PRIM2: variants seen among roughly 807,000 people sequenced by gnomAD.
PRIM2 encodes the protein DNA primase subunit 2.
Under a neutral mutation model 67.3 loss-of-function variants are expected in PRIM2, and 39 were observed. That is an observed-to-expected ratio of 0.58 (90% CI 0.45 to 0.76). PRIM2 has a LOEUF of 0.76. PRIM2 is among the 30% of genes least tolerant of loss of function. The pLI, the probability that PRIM2 is intolerant of heterozygous loss-of-function variation, is 0.00. For synonymous variants in PRIM2, 143 were observed against 198.7 expected, an observed-to-expected ratio of 0.72 and a Z score of 2.36; for missense variants, 398 against 598.7, an observed-to-expected ratio of 0.66 and a Z score of 3.50.
chr6:57,358,188 G>A (rs1467059324), intron 5 of PRIM2, among the ~76,000 whole-genome samples: 3 of 152,210 alleles, frequency 2.0e-5, no homozygotes, highest in African/African-American at 7.2e-5. Context: ...TGTGCTAACA[G>A]CTTCATAAAA....
In PRIM2 at chr6:57,379,903, A is replaced by G; in HGVS notation, c.462A>G (p.Ile154Met). The change falls in exon 6 of 14, where the codon ATA becomes ATG. Residue 154 changes from isoleucine to methionine, a missense_variant and splice_region_variant. By Grantham distance (10) the Ile-to-Met change is conservative (BLOSUM62 1). Coordinates refer to ENST00000615550, the MANE Select transcript of PRIM2 (RefSeq NM_000947.5). ...LKDSQLQFEAISDEEKTLREQ... is the reference protein window; with the variant it reads ...LKDSQLQFEAMSDEEKTLREQ... ...CAGCTTAAAATATGTTTTTTTAGAT[A>G]AGTGATGAAGAGAAGACTCTTCGAG... 2.6e-6 allele frequency: 4 copies of G among 1,536,958 alleles called. No homozygotes were observed. Among genetic ancestry groups the G allele is most frequent in the Non-Finnish European group, 3.5e-6 (4 of 1,143,052 alleles).
At chr6:57,323,202 A>G (rs977742133) in intron 3 of PRIM2, among the ~76,000 whole-genome samples, 1 of 152,102 alleles carries the variant, frequency 6.6e-6, no homozygotes, top group African/African-American at 2.4e-5. Context: ...AACTGTTGGT[A>G]AGGATCTAGT....
At chr6:57,637,378 C>T (rs1390679674) in intron 13 of PRIM2, among the ~76,000 whole-genome samples, 1 of 152,040 alleles carries the variant, frequency 6.6e-6, no homozygotes, top group Non-Finnish European at 1.5e-5. Context: ...TCCTCACCAG[C>T]AAGGGAATAA....
At chr6:57,365,949 C>CAAAAA (rs5876544) in intron 5 of PRIM2, among the ~76,000 whole-genome samples, 78 of 62,422 alleles carry the variant, frequency 1.2e-3, no homozygotes, top group East Asian at 3.2e-3. Context: ...GACCATATCT[C>CAAAAA]AAAAAAAAAA....
chr6:57,304,490 G>A, the PRIM2 span, among the ~76,000 whole-genome samples: 1 of 152,194 alleles, frequency 6.6e-6, no homozygotes, highest in Non-Finnish European at 1.5e-5. Flanking sequence ...TAGAAAAACA[G>A]CTGCTCCTGC....
intron 7 of PRIM2, among the ~76,000 whole-genome samples, chr6:57,460,711 A>G (rs1242364927): frequency 5.9e-5 from 9 of 151,784 alleles, no homozygotes; most frequent in African/African-American, 2.2e-4. Flanking sequence ...TGCAAAAGTA[A>G]TATCATTAAT....
intron 7 of PRIM2, among the ~76,000 whole-genome samples, chr6:57,387,310 T>C (rs1415622143): frequency 1.3e-5 from 2 of 152,150 alleles, no homozygotes; most frequent in South Asian, 2.1e-4. Context: ...AGATACCAAA[T>C]AATGATATAA....
intron 12 of PRIM2, among the ~76,000 whole-genome samples, chr6:57,625,070 C>A (rs1776925429): frequency 6.6e-6 from 1 of 152,184 alleles, no homozygotes; most frequent in African/African-American, 2.4e-5. Flanking sequence ...AATTATCTCC[C>A]ACCAGGTCCC....
chr6:57,409,813 G>A lies in PRIM2; in HGVS notation c.693+27645G>A, dbSNP rs111364384. On this transcript the variant is annotated intron_variant, in intron 7 of 13. Coordinates refer to ENST00000615550, the MANE Select transcript of PRIM2 (RefSeq NM_000947.5). ...CAACAAAGTTTTACAATTTGATTCA[G>A]TCTATTTTATCAGTTTCTTTCTTTT... Among the ~76,000 whole-genome samples the A allele has an allele frequency of 2.0e-5, 3 of 152,296 alleles. No homozygotes were observed. In the South Asian group the frequency reaches 6.2e-4, roughly 32 times the overall value.
intron 10 of PRIM2, among the ~76,000 whole-genome samples, chr6:57,586,713 A>G (rs1365185712): frequency 1.3e-5 from 2 of 152,234 alleles, no homozygotes; most frequent in African/African-American, 4.8e-5. Context: ...CAGTACCCTC[A>G]GTCTGTGGCG....
chr6:57,271,261 A>G, the PRIM2 span, among the ~76,000 whole-genome samples: 3 of 152,058 alleles, frequency 2.0e-5, no homozygotes, highest in Non-Finnish European at 4.4e-5. Context: ...CTGGTCCTGG[A>G]CTTTTTTTGG....
At chr6:57,327,861 G>A (rs556992034) in intron 5 of PRIM2, among the ~76,000 whole-genome samples, 7 of 152,230 alleles carry the variant, frequency 4.6e-5, no homozygotes, top group South Asian at 2.1e-4. Context: ...ATTTTTCCAC[G>A]GACTGAGGTC....
chr6:57,534,523 G>A (rs1774959250), intron 9 of PRIM2, among the ~76,000 whole-genome samples: 2 of 151,766 alleles, frequency 1.3e-5, no homozygotes, highest in South Asian at 4.2e-4. Context: ...TTATTATTTG[G>A]ACTACTGCCC....
chr6:57,616,733 AACT>A (rs1339316424), intron 12 of PRIM2, among the ~76,000 whole-genome samples: 1 of 152,122 alleles, frequency 6.6e-6, no homozygotes, highest in African/African-American at 2.4e-5. Context: ...AATATTTTAC[AACT>A]ACTATTTCTA....
intron 7 of PRIM2, among the ~76,000 whole-genome samples, chr6:57,447,164 G>A (rs1334987406): frequency 6.6e-6 from 1 of 152,222 alleles, no homozygotes; most frequent in Non-Finnish European, 1.5e-5. Context: ...AAAATTGAGA[G>A]TGGCTTTGGT....
At chr6:57,451,361 G>A (rs1294402422) in intron 7 of PRIM2, among the ~76,000 whole-genome samples, 11 of 152,016 alleles carry the variant, frequency 7.2e-5, no homozygotes, top group African/African-American at 2.7e-4. Context: ...GGCTGGTCTC[G>A]AAACCCTGAC....
chr6:57,389,161 G>A (rs1291699997), intron 7 of PRIM2, among the ~76,000 whole-genome samples: 1 of 152,154 alleles, frequency 6.6e-6, no homozygotes, highest in Non-Finnish European at 1.5e-5. Flanking sequence ...CTGGAGTGCA[G>A]TGGTGCAATT....
At chr6:57,282,465 A>G in the PRIM2 span, among the ~76,000 whole-genome samples, 937 of 152,290 alleles carry the variant, frequency 6.2e-3, 6 homozygotes, top group African/African-American at 0.021. Flanking sequence ...CCAAAAAGCT[A>G]ATACTGAAAC....
intron 7 of PRIM2, among the ~76,000 whole-genome samples, chr6:57,461,305 C>T (rs1772995623): frequency 6.6e-6 from 1 of 152,184 alleles, no homozygotes; most frequent in Admixed American, 6.6e-5. Flanking sequence ...CTGCTTCCTA[C>T]ATCTGCTCTC....
Sources: allele counts gnomAD v4.1 joint callset (sites outside exome capture counted in the v4.1 genomes callset), GRCh38; gene constraint gnomAD v4.1.1; transcripts MANE v1.5; gene names NCBI Gene and HGNC (gene_info 2026-07-23, HGNC 2026-07-21).